The following KCTD8 variants were observed in gnomAD, a reference collection of about 807,000 sequenced individuals.
The protein encoded by KCTD8 is BTB/POZ domain-containing protein KCTD8.
KCTD8 carries 27 observed loss-of-function variants against 31.5 expected under a neutral mutation model. The ratio of observed to expected loss-of-function variants is 0.86; its 90% confidence interval spans 0.63 to 1.18. The LOEUF (loss-of-function observed/expected upper bound fraction) is 1.18, where lower values mean the gene tolerates loss of function less well. Among genes scored for constraint, KCTD8 ranks in the 50% most tolerant of loss-of-function variants. KCTD8 has a pLI of 0.00. For missense variants in KCTD8, 658 were observed against 647.7 expected, an observed-to-expected ratio of 1.02 and a Z score of -0.17; for synonymous variants, 290 against 280.0, an observed-to-expected ratio of 1.04 and a Z score of -0.36.
At chr4:44,211,271 C>G (rs1577833055) in intron 1 of KCTD8, among the ~76,000 whole-genome samples, 2 of 152,188 alleles carry the variant, frequency 1.3e-5, no homozygotes, top group African/African-American at 4.8e-5. Context: ...CCAGTGGCTT[C>G]TCTCTAATGT....
chr4:44,220,102 G>A (rs1714764800), intron 1 of KCTD8, among the ~76,000 whole-genome samples: 1 of 152,150 alleles, frequency 6.6e-6, no homozygotes, highest in Admixed American at 6.5e-5. Context: ...TATGAATAAA[G>A]CCCTCCTTTA....
rs557237126 is a variant in KCTD8, at chr4:44,353,403, CA to C, written c.961+94159del. ...CATGTGATAGTTTAATACAAGCATA[CA>C]ATGTGTAATGATTAAATTAGGGTAA... On this transcript the variant is annotated intron_variant, in intron 1 of 1. Transcript: ENST00000360029. 3.3e-5 allele frequency among the ~76,000 whole-genome samples: 5 copies of C among 152,034 alleles called. 1 individual carries two copies. The South Asian group carries it at 1.0e-3, about 32-fold the overall frequency.
intron 1 of KCTD8, among the ~76,000 whole-genome samples, chr4:44,382,587 G>A (rs1416683393): frequency 6.6e-5 from 10 of 151,788 alleles, no homozygotes; most frequent in Admixed American, 1.3e-4. Flanking sequence ...AAAATTACCC[G>A]GGCGTGGTGG....
intron 1 of KCTD8, among the ~76,000 whole-genome samples, chr4:44,272,388 T>C (rs1447297911): frequency 6.6e-6 from 1 of 151,942 alleles, no homozygotes; most frequent in Non-Finnish European, 1.5e-5. Flanking sequence ...CCGCACAGAC[T>C]TGTCCCATCG....
At chr4:44,357,896 T>A (rs1333834212) in intron 1 of KCTD8, among the ~76,000 whole-genome samples, 3 of 151,482 alleles carry the variant, frequency 2.0e-5, no homozygotes, top group Non-Finnish European at 4.4e-5. Flanking sequence ...CTTTTATTAT[T>A]ATTATTATAA....
chr4:44,279,631 A>G (rs924325622), intron 1 of KCTD8, among the ~76,000 whole-genome samples: 1 of 152,122 alleles, frequency 6.6e-6, no homozygotes, highest in East Asian at 1.9e-4. Flanking sequence ...ATTCATGAGC[A>G]TGATCTCCAG....
chr4:44,224,521 AT>A (rs1195577699), intron 1 of KCTD8, among the ~76,000 whole-genome samples: 1 of 150,976 alleles, frequency 6.6e-6, no homozygotes, highest in African/African-American at 2.4e-5. Flanking sequence ...TAAAATTTCA[AT>A]GACTTAATAA....
At chr4:44,423,612 C>T (rs566105485) in intron 1 of KCTD8, among the ~76,000 whole-genome samples, 1 of 151,946 alleles carries the variant, frequency 6.6e-6, no homozygotes, top group South Asian at 2.1e-4. Context: ...AAAAGCAAAC[C>T]CAGAATTCTA....
chr4:44,178,696 TA>T (rs1713289527), intron 1 of KCTD8, among the ~76,000 whole-genome samples: 1 of 152,028 alleles, frequency 6.6e-6, no homozygotes, highest in African/African-American at 2.4e-5. Flanking sequence ...AGAGAAGCAA[TA>T]ATATCAAAGT....
intron 1 of KCTD8, among the ~76,000 whole-genome samples, chr4:44,242,374 C>T (rs1198029683): frequency 6.6e-6 from 1 of 151,844 alleles, no homozygotes; most frequent in Non-Finnish European, 1.5e-5. Flanking sequence ...GTCAGGAGAT[C>T]GAGACCATCC....
At chr4:44,219,695 T>A (rs557648312) in intron 1 of KCTD8, among the ~76,000 whole-genome samples, 8 of 152,328 alleles carry the variant, frequency 5.3e-5, no homozygotes, top group Admixed American at 4.6e-4. Context: ...ATGTCTGTTG[T>A]TTTAAACTGC....
intron 1 of KCTD8, among the ~76,000 whole-genome samples, chr4:44,202,234 A>G (rs1714172134): frequency 6.6e-6 from 1 of 152,144 alleles, no homozygotes; most frequent in Admixed American, 6.6e-5. Flanking sequence ...CAGTTTGGAG[A>G]TCTCTCAAAC....
At chr4:44,227,021 T>C (rs1279480561) in intron 1 of KCTD8, among the ~76,000 whole-genome samples, 1 of 152,236 alleles carries the variant, frequency 6.6e-6, no homozygotes, top group African/African-American at 2.4e-5. Flanking sequence ...TTTCATTTGC[T>C]GTGCAGAAGC....
At chr4:44,348,411 G>T (rs1010387506) in intron 1 of KCTD8, among the ~76,000 whole-genome samples, 10 of 152,206 alleles carry the variant, frequency 6.6e-5, no homozygotes, top group Non-Finnish European at 1.3e-4. Flanking sequence ...GTTTCAGTGA[G>T]GGTAGAAAAT....
At chr4:44,234,466 G>A (rs1380838560) in intron 1 of KCTD8, among the ~76,000 whole-genome samples, 1 of 152,150 alleles carries the variant, frequency 6.6e-6, no homozygotes, top group Non-Finnish European at 1.5e-5. Flanking sequence ...AGAGATAGTT[G>A]AAGAAAAGGC....
At chr4:44,216,691 A>G (rs1173984522) in intron 1 of KCTD8, among the ~76,000 whole-genome samples, 1 of 152,182 alleles carries the variant, frequency 6.6e-6, no homozygotes. Flanking sequence ...TCAGAATATC[A>G]AAAGAAAAAA....
At chr4:44,255,717 C>T (rs1185473613) in intron 1 of KCTD8, among the ~76,000 whole-genome samples, 1 of 151,584 alleles carries the variant, frequency 6.6e-6, no homozygotes, top group African/African-American at 2.4e-5. Flanking sequence ...TGTATCCCTG[C>T]CTGATGTTAT....
At chr4:44,429,205 T>TA (rs778066258) in intron 1 of KCTD8, among the ~76,000 whole-genome samples, 5 of 150,566 alleles carry the variant, frequency 3.3e-5, no homozygotes, top group Admixed American at 6.6e-5. Flanking sequence ...TGGAAAGATT[T>TA]AAAAAAAAAG....
chr4:44,299,548 G>A (rs968271325), intron 1 of KCTD8, among the ~76,000 whole-genome samples: 17 of 152,172 alleles, frequency 1.1e-4, no homozygotes, highest in Admixed American at 1.1e-3. Context: ...GGCCAACATG[G>A]TGAAACTCCA....
Sources: gnomAD v4.1 joint callset for allele counts (sites outside exome capture counted in the v4.1 genomes callset) on GRCh38, gnomAD v4.1.1 for gene constraint, MANE v1.5 for transcripts, NCBI Gene and HGNC (gene_info 2026-07-23, HGNC 2026-07-21) for gene names.